RBPJL: variants seen among roughly 807,000 people sequenced by gnomAD.
RBPJL encodes recombination signal binding protein for immunoglobulin kappa J region like.
A neutral mutation model predicts 57.6 loss-of-function variants in RBPJL; 50 were observed. The observed-to-expected ratio is 0.87, with a 90% confidence interval of 0.69 to 1.10. RBPJL has a LOEUF of 1.10. Among genes scored for constraint, RBPJL ranks in the 50% least tolerant of loss-of-function variants. The pLI is 0.00. For missense variants in RBPJL, 684 were observed against 693.7 expected (o/e 0.99, Z 0.16); for synonymous variants, 303 against 294.4 (o/e 1.03, Z -0.30).
At chr20:45,313,402 A>C in intron 6 of RBPJL, 66 bp from the exon 7 acceptor site, 1 of 1,372,486 alleles carries the variant, frequency 7.3e-7, no homozygotes, top group Admixed American at 2.2e-5. Flanking sequence ...TCCTAACCCT[A>C]ACCCTATCCC....
intron 6 of RBPJL, among the ~76,000 whole-genome samples, chr20:45,313,119 G>C (rs930740445): frequency 1.3e-5 from 2 of 152,128 alleles, no homozygotes; most frequent in African/African-American, 4.8e-5. Context: ...TGGAAAAACA[G>C]CTGTGAACTG....
intron 2 of RBPJL, among the ~76,000 whole-genome samples, chr20:45,308,775 C>A (rs562909381): frequency 6.6e-6 from 1 of 151,938 alleles, no homozygotes; most frequent in Non-Finnish European, 1.5e-5. Context: ...ATCTCTCCCA[C>A]CTCCCCTCCT....
rs547569078 is a variant in RBPJL at position 45,313,460 on chromosome 20, C to G, written c.620-8C>G. 6.2e-7 allele frequency: 1 copy of G among 1,608,262 alleles called. No homozygotes were observed. The highest frequency in any genetic ancestry group is 1.1e-5 in the South Asian group (1 of 89,830). On this transcript the variant is annotated splice_polypyrimidine_tract_variant and splice_region_variant and intron_variant, in intron 6 of 11. Coordinates refer to ENST00000343694, the MANE Select transcript of RBPJL (RefSeq NM_014276.4). The stretch of plus-strand genomic sequence containing the variant: ...CCCTCACCCTAACCCTGACCCTCAC[C>G]CTCACAGTGTGCATATCCTCCGGCT...
rs1189814095 is a variant in RBPJL at position 45,311,667 on chromosome 20, C to T, written c.328+8C>T. 1 of 1,613,844 alleles carries T rather than the reference C, an allele frequency of 6.2e-7. No individual in the cohort carries two copies. Among genetic ancestry groups the T allele is most frequent in the Admixed American group, 1.7e-5 (1 of 60,022 alleles). ...AGCCAGGGCAGGATCAAGGTGAGGGCGGAATCAAGGGCTGCCGGCCGCCTG... is the reference window on the plus strand; with the variant it reads ...AGCCAGGGCAGGATCAAGGTGAGGGTGGAATCAAGGGCTGCCGGCCGCCTG... On this transcript the variant is annotated splice_region_variant and intron_variant, in intron 4 of 11. Transcript: ENST00000343694.
chr20:45,312,395 C>A lies in RBPJL; in HGVS notation c.619C>A (p.Leu207Met), dbSNP rs1307803386. ...QKKQSLKNTD[L>M]CISSGSKVSL... Reference sequence around the variant, plus strand: ...GAAGCAGTCGCTGAAAAACACCGATCGTGAGCAGGGCGGGGCCTGACCCCC... The same window carrying A: ...GAAGCAGTCGCTGAAAAACACCGATAGTGAGCAGGGCGGGGCCTGACCCCC... Residue 207 changes from leucine to methionine, a missense_variant and splice_region_variant, in exon 6 of 12, where the codon CTG becomes ATG. Transcript: ENST00000343694. 3 of 1,612,676 alleles carry A rather than the reference C, an allele frequency of 1.9e-6. No homozygotes were observed. Among genetic ancestry groups the A allele is most frequent in the South Asian group, 2.2e-5 (2 of 90,842 alleles).
At chr20:45,313,725 A>G (rs775653474) in intron 7 of RBPJL, 120 bp downstream of exon 7, 9 of 1,099,262 alleles carry the variant, frequency 8.2e-6, no homozygotes, top group South Asian at 4.9e-5. Context: ...CAGAAACACA[A>G]AAAGACTTGA....
chr20:45,308,291 C>T (rs2743317), intron 2 of RBPJL, 40 bp downstream of exon 2: 269,199 of 1,370,698 alleles, frequency 0.2, 28,594 homozygotes, highest in Middle Eastern at 0.26. Flanking sequence ...TGGGGACTGC[C>T]AGGCAGCTGG....
intron 1 of RBPJL, 45 bp from the exon 2 acceptor site, chr20:45,308,098 T>C: frequency 2.1e-6 from 3 of 1,427,340 alleles, no homozygotes; most frequent in Non-Finnish European, 2.0e-6. Flanking sequence ...GCGTCTCTGC[T>C]AAAATACACT....
chr20:45,307,909 G>C (rs555227725), intron 1 of RBPJL, among the ~76,000 whole-genome samples: 1 of 152,130 alleles, frequency 6.6e-6, no homozygotes, highest in South Asian at 2.1e-4. Context: ...AGCAAGGGAG[G>C]AGAGGCCTGT....
intron 6 of RBPJL, 136 bp downstream of exon 6, chr20:45,312,531 G>A: frequency 2.4e-6 from 2 of 850,152 alleles, no homozygotes; most frequent in Non-Finnish European, 1.8e-6. Context: ...GGAGCCGAGA[G>A]GGGAAGGAGT....
intron 3 of RBPJL, 97 bp downstream of exon 3, chr20:45,309,789 C>T: frequency 6.7e-7 from 1 of 1,492,392 alleles, no homozygotes; most frequent in Non-Finnish European, 9.1e-7. Flanking sequence ...GCAGAGCAGG[C>T]CTCAGGGCTG....
In RBPJL at chr20:45,313,629, A is replaced by T. The variant is rs574870495; in HGVS notation, c.757+24A>T. ...GGGTAATGACATCTGCAGGCCCTGGAGCTGGGCACTTCACATGCATTAGCT... is the reference window on the plus strand; with the variant it reads ...GGGTAATGACATCTGCAGGCCCTGGTGCTGGGCACTTCACATGCATTAGCT... On this transcript the variant is annotated intron_variant, in intron 7 of 11. Coordinates refer to ENST00000343694, the MANE Select transcript of RBPJL (RefSeq NM_014276.4). 2.5e-6 allele frequency: 4 copies of T among 1,579,634 alleles called. No individual in the cohort carries two copies. In the East Asian group the frequency reaches 9.0e-5, roughly 36 times the overall value.
Position 45,316,802 on chromosome 20 carries a change from T to G in RBPJL, c.1397T>G (p.Phe466Cys). ...PMSLVRADGL[F>C]YPSAFSFTYT... The stretch of plus-strand genomic sequence containing the variant: ...AGCCTGGTGCGCGCCGACGGGCTCT[T>G]CTACCCTAGTGCCTTCTCCTTCACC... The change falls in exon 12 of 12, where the codon TTC becomes TGC. Residue 466 changes from phenylalanine (F) to cysteine (C), a missense_variant. Transcript: ENST00000343694. 1 of 1,613,902 alleles carries G rather than the reference T, an allele frequency of 6.2e-7. No individual in the cohort carries two copies. The highest frequency in any genetic ancestry group is 1.1e-5 in the South Asian group (1 of 91,082).
chr20:45,311,781 T>G (rs1357745409), intron 4 of RBPJL, 58 bp from the exon 5 acceptor site: 1 of 1,533,678 alleles, frequency 6.5e-7, no homozygotes, highest in Non-Finnish European at 8.9e-7. Context: ...AGCGCTAAGC[T>G]TGCCTGGCAC....
At position 45,311,913 on chromosome 20, in the gene RBPJL, G is replaced by C; in HGVS notation, c.403G>C (p.Glu135Gln). The C allele has an allele frequency of 6.4e-7, 1 of 1,551,470 alleles. No individual in the cohort carries two copies. The highest frequency in any genetic ancestry group is 8.7e-7 in the Non-Finnish European group (1 of 1,147,058). The change falls in exon 5 of 12, where the codon GAG (glutamate) becomes CAG (glutamine). Residue 135 changes from glutamate to glutamine, a missense_variant. Physicochemically the swap from Glu to Gln is conservative, Grantham distance 29. Coordinates refer to ENST00000343694, the MANE Select transcript of RBPJL (RefSeq NM_014276.4). The part of the protein sequence containing the change: ...GLDSASGSAT[E>Q]TQKLNFEQQP... ...GGACAGCGCGTCCGGCAGCGCCACT[G>C]AGACGCAGAAGCTGAATTTCGAGCA...
chr20:45,309,649 C>G lies in RBPJL; in HGVS notation c.214C>G (p.Leu72Val). The change falls in exon 3 of 12, where the codon CTG (leucine) becomes GTG (valine). Residue 72 changes from leucine to valine, a missense_variant. Coordinates refer to ENST00000343694, the MANE Select transcript of RBPJL (RefSeq NM_014276.4). ...QQQCEQTVRI[L>V]HAKVAQKSYG... Reference sequence around the variant, plus strand: ...ACAGTGTGAACAGACTGTGCGGATCCTGCATGCCAAGGTGGCCCAGAAATC... The same window carrying G: ...ACAGTGTGAACAGACTGTGCGGATCGTGCATGCCAAGGTGGCCCAGAAATC... 1 of 1,613,806 alleles carries G rather than the reference C, an allele frequency of 6.2e-7. No individual in the cohort carries two copies. Among genetic ancestry groups the G allele is most frequent in the Non-Finnish European group, 8.5e-7 (1 of 1,179,854 alleles).
chr20:45,314,307 G>C, intron 8 of RBPJL, 106 bp from the exon 9 acceptor site: 1 of 1,367,218 alleles, frequency 7.3e-7, no homozygotes, highest in Non-Finnish European at 1.0e-6. Flanking sequence ...GGGGGAATCT[G>C]CTAGTGCCTG....
chr20:45,307,309 G>A (rs891140256), intron 1 of RBPJL, among the ~76,000 whole-genome samples: 5 of 152,286 alleles, frequency 3.3e-5, no homozygotes, highest in African/African-American at 7.2e-5. Context: ...TTCTGAGCGA[G>A]GCCAGTGCCT....
chr20:45,313,027 T>C (rs1032676487), intron 6 of RBPJL, among the ~76,000 whole-genome samples: 14 of 151,256 alleles, frequency 9.3e-5, no homozygotes, highest in Non-Finnish European at 1.9e-4. Context: ...AAAAAAAAGT[T>C]TTACTTTTGT....
Sources: allele counts gnomAD v4.1 joint callset (sites outside exome capture counted in the v4.1 genomes callset), GRCh38; gene constraint gnomAD v4.1.1; transcripts MANE v1.5; gene names NCBI Gene and HGNC (gene_info 2026-07-23, HGNC 2026-07-21).